SPATA22: variants seen among roughly 807,000 people sequenced by gnomAD.
SPATA22 encodes the protein spermatogenesis associated 22, also known as spermatogenesis-associated protein 22.
Under a neutral mutation model 47.8 loss-of-function variants are expected in SPATA22, and 29 were observed. That is an observed-to-expected ratio of 0.61 (90% CI 0.45 to 0.83). The LOEUF (loss-of-function observed/expected upper bound fraction) is 0.83. Among genes scored for constraint, SPATA22 ranks in the 40% least tolerant of loss-of-function variants. SPATA22 has a pLI of 0.00. For synonymous variants in SPATA22, 133 were observed against 140.9 expected, an observed-to-expected ratio of 0.94 and a Z score of 0.40; for missense variants, 410 against 421.7, an observed-to-expected ratio of 0.97 and a Z score of 0.24.
intron 1 of SPATA22, chr17:3,500,864 G>C (rs1166946698): frequency 2.0e-5 from 3 of 152,016 alleles, no homozygotes; most frequent in Non-Finnish European, 4.4e-5. Context: ...TCTATAAATG[G>C]AACAACAAAG....
Position 3,490,869 on chromosome 17 carries a change from C to G in SPATA22, c.-73-21471G>C, listed in dbSNP as rs922951025. Among the ~76,000 whole-genome samples the G allele has an allele frequency of 6.6e-6, 1 of 152,160 alleles. No individual in the cohort carries two copies. The highest frequency in any genetic ancestry group is 2.4e-5 in the African/African-American group (1 of 41,436). On this transcript the variant is annotated intron_variant, in intron 1 of 8. Coordinates refer to the SPATA22 transcript ENST00000541913. This position sits in a 1 kb window ranked among gnomAD's most constrained non-coding sequence, Gnocchi z 4.6. ...TCCTGGAACACCCCACCCCTTAACC[C>G]CTTATCTCTGCTTCAACCAGAGCTC...
At chr17:3,498,059 G>A (rs759031785) in intron 1 of SPATA22, among the ~76,000 whole-genome samples, 5 of 152,076 alleles carry the variant, frequency 3.3e-5, no homozygotes, top group Non-Finnish European at 5.9e-5. Context: ...CACCCACCTT[G>A]TCCCAGACTC....
chr17:3,452,239 T>C (rs1016171706), intron 5 of SPATA22, among the ~76,000 whole-genome samples: 12 of 142,926 alleles, frequency 8.4e-5, no homozygotes, highest in African/African-American at 3.1e-4. Flanking sequence ...AAAATAAGCA[T>C]ATAAAGGCAA....
chr17:3,493,140 C>G (rs1009411969), intron 1 of SPATA22, among the ~76,000 whole-genome samples: 4 of 152,170 alleles, frequency 2.6e-5, no homozygotes, highest in Non-Finnish European at 5.9e-5. Flanking sequence ...ATAAACTACT[C>G]CTTTTCCAAG....
At chr17:3,465,073 TCA>T (rs1167331165) in intron 3 of SPATA22, among the ~76,000 whole-genome samples, 20 of 80,428 alleles carry the variant, frequency 2.5e-4, no homozygotes, top group South Asian at 4.6e-4. Context: ...AGGTGGGGGG[TCA>T]GCCCCTCCAC....
chr17:3,463,939 C>G (rs1399499070), intron 3 of SPATA22, among the ~76,000 whole-genome samples: 28 of 79,960 alleles, frequency 3.5e-4, no homozygotes, highest in Admixed American at 8.1e-4. Flanking sequence ...CTCTCCCTCT[C>G]CCTCTCCCTC....
rs56193629 is a variant in SPATA22, at chr17:3,463,933, C to CCCTCTCCCTCTA, written c.173-1167_173-1166insTAGAGGGAGAGG. ...ATCCTCTCCCTCTCCCTCTCCCTCTCCCTCTCCCTCTCCCTCTGCCTCTCC... is the reference window on the plus strand; with the variant it reads ...ATCCTCTCCCTCTCCCTCTCCCTCTCCCTCTCCCTCTACCTCTCCCTCTCCCTCTGCCTCTCC... On this transcript the variant is annotated intron_variant, in intron 3 of 8. Coordinates refer to ENST00000572969, the MANE Select transcript of SPATA22 (RefSeq NM_001170698.2). Among the ~76,000 whole-genome samples, 4 of 99,528 alleles carry CCCTCTCCCTCTA rather than the reference C, an allele frequency of 4.0e-5. 1 individual carries two copies. Among genetic ancestry groups the CCCTCTCCCTCTA allele is most frequent in the Non-Finnish European group, 8.7e-5 (4 of 46,108 alleles). 65.3% of individuals were successfully genotyped at this position (99,528 alleles called of 152,430 possible). A position where few individuals can be genotyped will look rare whatever the true frequency, so the allele number is the denominator to read the frequency against.
chr17:3,474,599 A>G (rs2073494623), upstream of SPATA22, among the ~76,000 whole-genome samples: 1 of 152,132 alleles, frequency 6.6e-6, no homozygotes, highest in Admixed American at 6.5e-5. Context: ...TTTCTATTAG[A>G]ACAGTCATTT....
At chr17:3,494,375 T>A (rs1197247047) in intron 1 of SPATA22, 1 of 1,612,122 alleles carries the variant, frequency 6.2e-7, no homozygotes, top group Non-Finnish European at 8.5e-7. Context: ...CCTGCGCCAT[T>A]GAGGTCTATA....
At chr17:3,477,744 G>A (rs983069588) in intron 1 of SPATA22, among the ~76,000 whole-genome samples, 4 of 151,970 alleles carry the variant, frequency 2.6e-5, no homozygotes, top group Admixed American at 6.6e-5. Context: ...ATGAGCCACC[G>A]CGCTGGGCCG....
At chr17:3,511,565 C>A (rs4790503) in intron 1 of SPATA22, 1 of 152,184 alleles carries the variant, frequency 6.6e-6, no homozygotes, top group Non-Finnish European at 1.5e-5. Flanking sequence ...TAGGCTCAGA[C>A]GTTTTGGCTG....
chr17:3,513,807 A>G (rs1010764995), exon 1 of SPATA22: 1 of 904,138 alleles, frequency 1.1e-6, no homozygotes, highest in Non-Finnish European at 1.8e-6. Flanking sequence ...CTCTGCTTCT[A>G]GGCCAGCAGA....
chr17:3,507,030 G>A (rs1196607455), intron 1 of SPATA22, among the ~76,000 whole-genome samples: 1 of 150,746 alleles, frequency 6.6e-6, no homozygotes, highest in African/African-American at 2.4e-5. Context: ...GAGGGAGTGG[G>A]GAGGCGAAGG....
intron 8 of SPATA22, chr17:3,440,751 G>A (rs1449406369): frequency 6.5e-6 from 1 of 154,172 alleles, no homozygotes; most frequent in Non-Finnish European, 1.4e-5. Context: ...AAGCATCAGA[G>A]AGATATCAAG....
chr17:3,446,007 T>C (rs1343653968), intron 7 of SPATA22, among the ~76,000 whole-genome samples: 1 of 152,112 alleles, frequency 6.6e-6, no homozygotes, highest in South Asian at 2.1e-4. Flanking sequence ...ATCTATTTCC[T>C]TAATTTTTCC....
At chr17:3,441,150 G>A (rs1002611523) in intron 8 of SPATA22, 2 of 152,078 alleles carry the variant, frequency 1.3e-5, no homozygotes, top group African/African-American at 2.4e-5. Context: ...CTAATTATAA[G>A]GGGAAAGACT....
At chr17:3,466,767 C>T (rs1038510535) in intron 3 of SPATA22, among the ~76,000 whole-genome samples, 6 of 152,150 alleles carry the variant, frequency 3.9e-5, no homozygotes, top group Non-Finnish European at 5.9e-5. Context: ...GACAGAAGGA[C>T]GGAAAAGCTC....
upstream of SPATA22, chr17:3,475,750 G>A (rs567080566): frequency 5.2e-4 from 101 of 195,790 alleles, no homozygotes; most frequent in African/African-American, 2.2e-3. Flanking sequence ...AATTAGAAAC[G>A]TATAAACTAT....
In SPATA22 at chr17:3,462,508, TATTTGATTG is replaced by T; in HGVS notation, c.295_303del (p.Gln99_Asn101del). The T allele has an allele frequency of 7.5e-6, 12 of 1,609,598 alleles. No individual in the cohort carries two copies. Among genetic ancestry groups the T allele is most frequent in the Non-Finnish European group, 1.0e-5 (12 of 1,178,772 alleles). On this transcript the variant is annotated inframe_deletion, in exon 5 of 9. Transcript: ENST00000572969. ...CTCCAACCACCCTGGCTTCTTCCAG[TATTTGATTG>T]AATAGAGTTAAAGACAGAATCTTGA...
Sources: allele counts gnomAD v4.1 joint callset (sites outside exome capture counted in the v4.1 genomes callset), GRCh38; gene constraint gnomAD v4.1.1; non-coding constraint Gnocchi (gnomAD v3.1); transcripts MANE v1.5; gene names NCBI Gene and HGNC (gene_info 2026-07-23, HGNC 2026-07-21).